GLG1: variants seen among roughly 807,000 people sequenced by gnomAD.
GLG1 encodes golgi glycoprotein 1.
GLG1 carries 38 observed loss-of-function variants against 160.5 expected under a neutral mutation model. That is an observed-to-expected ratio of 0.24 (90% CI 0.18 to 0.31). The LOEUF (loss-of-function observed/expected upper bound fraction) is 0.31. GLG1 is among the 10% of genes least tolerant of loss of function. GLG1 has a pLI of 1.00. For synonymous variants in GLG1, 644 were observed against 543.4 expected, an observed-to-expected ratio of 1.19 and a Z score of -2.57; for missense variants, 1,373 against 1,505.2, an observed-to-expected ratio of 0.91 and a Z score of 1.45.
intron 2 of GLG1, among the ~76,000 whole-genome samples, chr16:74,529,043 T>G (rs1046979992): frequency 2.0e-5 from 3 of 151,094 alleles, no homozygotes; most frequent in African/African-American, 2.4e-5. Flanking sequence ...AGTGGTTCAC[T>G]GCAACCTCCA....
chr16:74,519,724 C>A (rs933027875), intron 2 of GLG1, among the ~76,000 whole-genome samples: 1 of 152,128 alleles, frequency 6.6e-6, no homozygotes, highest in Admixed American at 6.5e-5. Context: ...CCCACCCACT[C>A]CCCAGAAGCG....
chr16:74,481,805 G>A (rs2015608715), intron 10 of GLG1, among the ~76,000 whole-genome samples: 1 of 151,522 alleles, frequency 6.6e-6, no homozygotes, highest in African/African-American at 2.4e-5. Context: ...TTTTTTTTGA[G>A]ACGGAGTCTC....
At chr16:74,461,076 T>C (rs2014772578) in intron 22 of GLG1, among the ~76,000 whole-genome samples, 1 of 152,206 alleles carries the variant, frequency 6.6e-6, no homozygotes, top group Non-Finnish European at 1.5e-5. Flanking sequence ...GAAATTAACA[T>C]ATGTTGAACA....
At chr16:74,564,028 T>A (rs142411426) in intron 1 of GLG1, among the ~76,000 whole-genome samples, 1,766 of 152,232 alleles carry the variant, frequency 0.012, 33 homozygotes, top group African/African-American at 0.041. Flanking sequence ...GCTCAAGTGA[T>A]CCTCCCACCC....
rs1280144198 is a variant in GLG1 at position 74,448,190 on chromosome 16, G to C, written c.*4977C>G. 6.6e-6 allele frequency: 1 copy of C among 152,258 alleles called. No individual in the cohort carries two copies. The highest frequency in any genetic ancestry group is 1.5e-5 in the Non-Finnish European group (1 of 68,100). The allele number at this position is 152,258 out of a possible 1,614,324, so 9.4% of individuals were successfully genotyped here. ...GCTAATGACTTATCTATTATCTGAA[G>C]TCTGTGGAGGAAGGACCAAGAAGGG... On this transcript the variant is annotated 3_prime_UTR_variant, in exon 26 of 26. Transcript: ENST00000422840.
intron 2 of GLG1, among the ~76,000 whole-genome samples, chr16:74,514,901 G>A (rs1046874559): frequency 1.3e-5 from 2 of 151,982 alleles, no homozygotes; most frequent in East Asian, 1.9e-4. Context: ...CGCATCTCAT[G>A]TGCAAAGACA....
At chr16:74,483,545 T>A (rs1163493605) in intron 9 of GLG1, among the ~76,000 whole-genome samples, 1 of 152,240 alleles carries the variant, frequency 6.6e-6, no homozygotes, top group Non-Finnish European at 1.5e-5. Flanking sequence ...TATTTCAGCA[T>A]GTTTCTTTAA....
At chr16:74,481,877 C>T (rs1403248037) in intron 10 of GLG1, among the ~76,000 whole-genome samples, 3 of 152,248 alleles carry the variant, frequency 2.0e-5, no homozygotes, top group Non-Finnish European at 2.9e-5. Context: ...CTCCGCCTCC[C>T]GGGTTTTACA....
chr16:74,606,942 C>T lies in GLG1; in HGVS notation c.153G>A (p.Gly51=). 1 of 1,608,696 alleles carries T rather than the reference C, an allele frequency of 6.2e-7. No individual in the cohort carries two copies. The highest frequency in any genetic ancestry group is 8.5e-7 in the Non-Finnish European group (1 of 1,178,882). The change falls in exon 1 of 26, where the codon GGG becomes GGA. Residue 51 remains glycine (G), a synonymous_variant. Transcript: ENST00000422840. ...GPGANFVSFV[G]QAGGGGPAGQ... is the part of the protein sequence containing the mutation. ...CCGCCGGGCCGCCGCCTCCGGCCTG[C>T]CCTACGAAGGACACAAAGTTGGCCC...
chr16:74,572,077 GC>G (rs1277863825), intron 1 of GLG1, among the ~76,000 whole-genome samples: 1 of 152,114 alleles, frequency 6.6e-6, no homozygotes, highest in Non-Finnish European at 1.5e-5. Context: ...TTAGGATGGG[GC>G]TAGTCACTGG....
chr16:74,488,342 G>A (rs1468563466), intron 8 of GLG1, among the ~76,000 whole-genome samples: 1 of 152,096 alleles, frequency 6.6e-6, no homozygotes, highest in Non-Finnish European at 1.5e-5. Context: ...AGTAGTTTGA[G>A]AACAGCCTGG....
At chr16:74,565,306 G>A (rs2018624553) in intron 1 of GLG1, among the ~76,000 whole-genome samples, 1 of 152,114 alleles carries the variant, frequency 6.6e-6, no homozygotes, top group South Asian at 2.1e-4. Context: ...CCCAGTCTAG[G>A]CAACAGAGCC....
intron 20 of GLG1, 104 bp downstream of exon 20, chr16:74,463,252 T>C (rs1597224812): frequency 1.8e-6 from 2 of 1,140,632 alleles, no homozygotes; most frequent in East Asian, 2.4e-5. Context: ...TCCCTTAAAA[T>C]TCCCAGGCAA....
chr16:74,452,495 T>A lies in GLG1; in HGVS notation c.*672A>T, dbSNP rs1254842190. 1.9e-6 allele frequency: 2 copies of A among 1,040,120 alleles called. No individual in the cohort carries two copies. The highest frequency in any genetic ancestry group is 2.3e-6 in the Non-Finnish European group (2 of 861,570). 64.4% of individuals were successfully genotyped at this position (1,040,120 alleles called of 1,614,324 possible). A position where few individuals can be genotyped will look rare whatever the true frequency, so the allele number is the denominator to read the frequency against. On this transcript the variant is annotated 3_prime_UTR_variant, in exon 26 of 26. Transcript: ENST00000422840. Reference sequence around the variant, plus strand: ...GAGACCACAGAAATACCCATGGCTGTGGGGCTGTGACCAGCAGTGGCTGAT... The same window carrying A: ...GAGACCACAGAAATACCCATGGCTGAGGGGCTGTGACCAGCAGTGGCTGAT...
chr16:74,527,196 C>T (rs924596626), intron 2 of GLG1, among the ~76,000 whole-genome samples: 12 of 148,906 alleles, frequency 8.1e-5, no homozygotes, highest in African/African-American at 2.7e-4. Flanking sequence ...TTTTATTCTA[C>T]ATGTTATAAT....
At chr16:74,558,582 C>T (rs1348056713) in intron 1 of GLG1, among the ~76,000 whole-genome samples, 1 of 152,240 alleles carries the variant, frequency 6.6e-6, no homozygotes, top group East Asian at 1.9e-4. Flanking sequence ...GATACACACA[C>T]ATTTGTAAAT....
At chr16:74,462,661 A>G (rs759539194) in intron 20 of GLG1, 31 bp from the exon 21 acceptor site, 6 of 1,610,162 alleles carry the variant, frequency 3.7e-6, no homozygotes, top group Non-Finnish European at 3.4e-6. Flanking sequence ...CATGTGACAA[A>G]ACATTCCACC....
chr16:74,601,714 A>G (rs1422707173), intron 1 of GLG1, among the ~76,000 whole-genome samples: 1 of 152,190 alleles, frequency 6.6e-6, no homozygotes, highest in African/African-American at 2.4e-5. Flanking sequence ...GTGATAACGC[A>G]TTTGCCTGAG....
At chr16:74,501,372 A>G (rs1005105733) in intron 4 of GLG1, among the ~76,000 whole-genome samples, 1 of 152,222 alleles carries the variant, frequency 6.6e-6, no homozygotes, top group Non-Finnish European at 1.5e-5. Context: ...CAACTGGTAG[A>G]CATACTGAAA....
Sources: gnomAD v4.1 joint callset for allele counts (sites outside exome capture counted in the v4.1 genomes callset) on GRCh38, gnomAD v4.1.1 for gene constraint, MANE v1.5 for transcripts, NCBI Gene and HGNC (gene_info 2026-07-23, HGNC 2026-07-21) for gene names.